ALDH1A3: variants seen among roughly 807,000 people sequenced by gnomAD.
The protein encoded by ALDH1A3 is retinaldehyde dehydrogenase 3.
A neutral mutation model predicts 57.5 loss-of-function variants in ALDH1A3; 28 were observed. The ratio of observed to expected loss-of-function variants is 0.49; its 90% CI spans 0.36 to 0.67. The LOEUF (loss-of-function observed/expected upper bound fraction) is 0.67, where lower values mean the gene tolerates loss of function less well. Among genes scored for constraint, ALDH1A3 ranks in the 30% least tolerant of loss-of-function variants. The pLI, the probability that ALDH1A3 is intolerant of heterozygous loss-of-function variation, is 0.00. For synonymous variants in ALDH1A3, 281 were observed against 264.8 expected (o/e 1.06, Z -0.59); for missense variants, 507 against 669.4 (o/e 0.76, Z 2.68).
chr15:100,902,621 C>T lies in ALDH1A3; in HGVS notation c.1068+1862C>T, dbSNP rs540538351. 5.3e-5 allele frequency among the ~76,000 whole-genome samples: 8 copies of T among 152,328 alleles called. No individual in the cohort carries two copies. In the South Asian group the frequency reaches 6.2e-4, roughly 12 times the overall value. ...CCGGGCAGGATCCGGCAGCGTCCTC[C>T]GGGCAGAGAGCCGAGCACAGCCTTG... On this transcript the variant is annotated intron_variant, in intron 9 of 12. Transcript: ENST00000329841.
In ALDH1A3 at chr15:100,900,822, T is replaced by C; in HGVS notation, c.1068+63T>C. ...CTAGGGGCTGAAGCAGGCAGTCCCA[T>C]GGCAACCGCCTACAGGGTCCCTCTC... is the stretch of plus-strand genomic sequence containing the variant. On this transcript the variant is annotated intron_variant, in intron 9 of 12. Coordinates refer to ENST00000329841, the MANE Select transcript of ALDH1A3 (RefSeq NM_000693.4). The C allele has an allele frequency of 3.2e-6, 5 of 1,558,238 alleles. No homozygotes were observed. In the South Asian group the frequency reaches 5.9e-5, roughly 18 times the overall value.
intron 12 of ALDH1A3, among the ~76,000 whole-genome samples, chr15:100,912,508 T>C (rs957878770): frequency 6.6e-6 from 1 of 152,146 alleles, no homozygotes; most frequent in African/African-American, 2.4e-5. Flanking sequence ...TTTAATGGAG[T>C]CTCTGCTCTA....
In ALDH1A3 at chr15:100,900,753, G is replaced by T. The variant is rs760197976; in HGVS notation, c.1062G>T (p.Gly354=). Residue 354 remains glycine (G), a synonymous_variant, in exon 9 of 13, where the codon GGG becomes GGT. Coordinates refer to ENST00000329841, the MANE Select transcript of ALDH1A3 (RefSeq NM_000693.4). ...GDPFDVKTEQ[G]PQIDQKQFDK... The stretch of plus-strand genomic sequence containing the variant: ...CCTTCGATGTCAAAACAGAACAGGG[G>T]CCTCAGGTAATCCCCCTGGTGTGTG... 6.2e-7 allele frequency: 1 copy of T among 1,613,764 alleles called. No homozygotes were observed. The highest frequency in any genetic ancestry group is 8.5e-7 in the Non-Finnish European group (1 of 1,179,926).
chr15:100,907,286 G>A lies in ALDH1A3; in HGVS notation c.1391+8G>A, dbSNP rs577450336. 16 of 1,612,068 alleles carry A rather than the reference G, an allele frequency of 9.9e-6. No individual in the cohort carries two copies. The East Asian group carries it at 3.1e-4, about 31-fold the overall frequency. ...AGAGTCTGGAACGGTCTGGTGAGTT[G>A]ACTGTGTGTGTATTTCAGCTCTCCT... On this transcript the variant is annotated splice_region_variant and intron_variant, in intron 11 of 12. Coordinates refer to ENST00000329841, the MANE Select transcript of ALDH1A3 (RefSeq NM_000693.4).
intron 8 of ALDH1A3, among the ~76,000 whole-genome samples, chr15:100,899,847 C>T (rs2041748040): frequency 6.6e-6 from 1 of 152,214 alleles, no homozygotes. Context: ...GATCACCTTC[C>T]AATGCCCAGA....
Position 100,889,379 on chromosome 15 carries a change from G to A in ALDH1A3, c.345+1667G>A, listed in dbSNP as rs1206691899. Among the ~76,000 whole-genome samples, 2 of 151,996 alleles carry A rather than the reference G, an allele frequency of 1.3e-5. No individual in the cohort carries two copies. The highest frequency in any genetic ancestry group is 2.1e-4 in the South Asian group (1 of 4,826). On this transcript the variant is annotated intron_variant, in intron 3 of 12. Transcript: ENST00000329841. This position sits in a 1 kb window ranked among gnomAD's most constrained non-coding sequence, Gnocchi z 5.1. ...TAAGGGTGCATCCACACAGAAACTC[G>A]AGCTCCCCTTCCTTCCTTCCCAGTC...
Position 100,879,911 on chromosome 15 carries a change from G to A in ALDH1A3, c.4G>A (p.Ala2Thr). 3 of 1,447,906 alleles carry A rather than the reference G, an allele frequency of 2.1e-6. No homozygotes were observed. The highest frequency in any genetic ancestry group is 2.7e-6 in the Non-Finnish European group (3 of 1,098,006). The allele number at this position is 1,447,906 out of a possible 1,614,324, so 89.7% of individuals were successfully genotyped here. The change falls in exon 1 of 13, where the codon GCC becomes ACC. Residue 2 changes from alanine (A) to threonine (T), a missense_variant. This residue lies in a region of ALDH1A3 where 75 missense variants were observed against 61.0 expected (regional missense o/e 1.23). Coordinates refer to ENST00000329841, the MANE Select transcript of ALDH1A3 (RefSeq NM_000693.4). Reference sequence around the variant, plus strand: ...GGCCAGGGAGCGCGGAGGAGCCATGGCCACCGCTAACGGGGCCGTGGAAAA... The same window carrying A: ...GGCCAGGGAGCGCGGAGGAGCCATGACCACCGCTAACGGGGCCGTGGAAAA... M[A>T]TANGAVENGQ...
chr15:100,913,410 A>C (rs1468734886), intron 12 of ALDH1A3: 1 of 152,166 alleles, frequency 6.6e-6, no homozygotes, highest in Non-Finnish European at 1.5e-5. Flanking sequence ...CATCCTCTAG[A>C]GGCTGCTCGC....
At chr15:100,902,128 A>G (rs1053388817) in intron 9 of ALDH1A3, among the ~76,000 whole-genome samples, 1 of 152,188 alleles carries the variant, frequency 6.6e-6, no homozygotes, top group Non-Finnish European at 1.5e-5. Context: ...TGATCCCCAT[A>G]CAGAAGAAAC....
intron 12 of ALDH1A3, among the ~76,000 whole-genome samples, chr15:100,912,347 A>T (rs958419973): frequency 5.9e-5 from 9 of 152,144 alleles, no homozygotes; most frequent in Admixed American, 1.3e-4. Flanking sequence ...TTTTCTGAAA[A>T]CTAACTATTC....
chr15:100,900,533 T>A, intron 8 of ALDH1A3, 42 bp from the exon 9 acceptor site: 1 of 1,535,018 alleles, frequency 6.5e-7, no homozygotes, highest in African/African-American at 1.4e-5. Context: ...ACTTAATCGC[T>A]TCCTCTCGCT....
At position 100,894,682 on chromosome 15, in the gene ALDH1A3, A is replaced by G. The variant is rs1279072807; in HGVS notation, c.666+600A>G. On this transcript the variant is annotated intron_variant, in intron 6 of 12. Coordinates refer to ENST00000329841, the MANE Select transcript of ALDH1A3 (RefSeq NM_000693.4). This position sits in a 1 kb window ranked among gnomAD's most constrained non-coding sequence, Gnocchi z 4.5. ...AAAGCAACAGGAAGCAAAGAGGGACAGAAGAAAAGATCCATTCCTTTCTCT... is the reference window on the plus strand; with the variant it reads ...AAAGCAACAGGAAGCAAAGAGGGACGGAAGAAAAGATCCATTCCTTTCTCT... The G allele has an allele frequency of 1.3e-5, 2 of 152,498 alleles. No homozygotes were observed. Among genetic ancestry groups the G allele is most frequent in the African/African-American group, 4.8e-5 (2 of 41,468 alleles). 9.4% of individuals were successfully genotyped at this position (152,498 alleles called of 1,614,324 possible).
At chr15:100,902,435 A>G (rs1194869878) in intron 9 of ALDH1A3, among the ~76,000 whole-genome samples, 2 of 152,248 alleles carry the variant, frequency 1.3e-5, no homozygotes, top group Non-Finnish European at 2.9e-5. Flanking sequence ...GAGGACTTAC[A>G]GCTGTCTAAA....
intron 8 of ALDH1A3, 116 bp from the exon 9 acceptor site, chr15:100,900,459 T>C (rs138979555): frequency 2.1e-6 from 2 of 942,800 alleles, no homozygotes; most frequent in Non-Finnish European, 3.2e-6. Flanking sequence ...AATGCAGCCA[T>C]CCTGGGGCCT....
At position 100,889,634 on chromosome 15, in the gene ALDH1A3, C is replaced by T. The variant is rs1358783394; in HGVS notation, c.345+1922C>T. 1.3e-5 allele frequency among the ~76,000 whole-genome samples: 2 copies of T among 152,224 alleles called. No homozygotes were observed. The highest frequency in any genetic ancestry group is 6.5e-5 in the Admixed American group (1 of 15,284). Reference sequence around the variant, plus strand: ...AGAGAGGATGTGCCCTGGGCACCCCCCGCCCTGAACCCTGTCCTTAAGTGT... The same window carrying T: ...AGAGAGGATGTGCCCTGGGCACCCCTCGCCCTGAACCCTGTCCTTAAGTGT... On this transcript the variant is annotated intron_variant, in intron 3 of 12. Coordinates refer to ENST00000329841, the MANE Select transcript of ALDH1A3 (RefSeq NM_000693.4). The surrounding 1 kb of genome is among the most constrained non-coding windows in gnomAD (Gnocchi z 5.1).
At chr15:100,886,315 G>A (rs955123350) in intron 2 of ALDH1A3, among the ~76,000 whole-genome samples, 4 of 152,248 alleles carry the variant, frequency 2.6e-5, no homozygotes, top group African/African-American at 9.6e-5. Context: ...GGGAAGCCAT[G>A]ACATGGAATG....
intron 2 of ALDH1A3, among the ~76,000 whole-genome samples, chr15:100,886,396 C>T (rs2041595256): frequency 6.6e-6 from 1 of 152,192 alleles, no homozygotes; most frequent in Non-Finnish European, 1.5e-5. Flanking sequence ...TTGCCCTGGG[C>T]CTTGATTTCT....
chr15:100,892,525 G>T lies in ALDH1A3; in HGVS notation c.361G>T (p.Asp121Tyr). The T allele has an allele frequency of 6.2e-7, 1 of 1,612,604 alleles. No individual in the cohort carries two copies. The highest frequency in any genetic ancestry group is 8.5e-7 in the Non-Finnish European group (1 of 1,179,644). The part of the protein sequence containing the change: ...RATLAALETM[D>Y]TGKPFLHAFF... ...GTTATTGCAGGCCCTGGAGACGATG[G>T]ATACAGGGAAGCCATTTCTTCATGC... Residue 121 changes from aspartate to tyrosine, a missense_variant, in exon 4 of 13, where the codon GAT (aspartate) becomes TAT (tyrosine). Asp to Tyr is a radical substitution (Grantham distance 160, BLOSUM62 -3). Around this residue, in one of 2 missense-constraint regions of ALDH1A3, gnomAD observed 432 missense variants for 608.4 expected, o/e 0.71. Coordinates refer to ENST00000329841, the MANE Select transcript of ALDH1A3 (RefSeq NM_000693.4).
At chr15:100,898,235 G>A (rs1350602796) in intron 8 of ALDH1A3, 50 bp downstream of exon 8, 1 of 1,515,896 alleles carries the variant, frequency 6.6e-7, no homozygotes, top group African/African-American at 1.4e-5. Context: ...GCATCCATCT[G>A]TCTCCCCCTA....
Sources: gnomAD v4.1 joint callset for allele counts (sites outside exome capture counted in the v4.1 genomes callset) on GRCh38, gnomAD v4.1.1 for gene constraint, gnomAD v4.1.1 regional missense constraint, Gnocchi (gnomAD v3.1) non-coding constraint, MANE v1.5 for transcripts, NCBI Gene and HGNC (gene_info 2026-07-23, HGNC 2026-07-21) for gene names.